The following MYO1B variants were observed in gnomAD, a reference collection of about 807,000 sequenced individuals.
MYO1B encodes the protein myosin IB.
In MYO1B, 72 loss-of-function variants were observed where a neutral mutation model predicts 159.7. The ratio of observed to expected loss-of-function variants is 0.45; its 90% confidence interval spans 0.37 to 0.55. MYO1B has a LOEUF of 0.55. Among genes scored for constraint, MYO1B ranks in the 20% least tolerant of loss-of-function variants. MYO1B has a pLI of 0.00. For synonymous variants in MYO1B, 468 were observed against 473.8 expected, an observed-to-expected ratio of 0.99 and a Z score of 0.16; for missense variants, 1,062 against 1,364.8, an observed-to-expected ratio of 0.78 and a Z score of 3.50.
intron 4 of MYO1B, among the ~76,000 whole-genome samples, chr2:191,330,499 T>C (rs1174945713): frequency 2.0e-5 from 3 of 152,186 alleles, no homozygotes. Flanking sequence ...TTATATGTAT[T>C]TTTTAGACCT....
intron 1 of MYO1B, among the ~76,000 whole-genome samples, chr2:191,271,199 T>C (rs1249170167): frequency 6.6e-6 from 1 of 152,222 alleles, no homozygotes; most frequent in Non-Finnish European, 1.5e-5. Flanking sequence ...TAAAACACAC[T>C]TGTTACTATG....
At chr2:191,345,213 C>T (rs1244956030) in intron 5 of MYO1B, among the ~76,000 whole-genome samples, 5 of 152,138 alleles carry the variant, frequency 3.3e-5, no homozygotes. Context: ...GATCTCATGC[C>T]TCTTCCCAGA....
chr2:191,418,221 A>G (rs960122086), intron 30 of MYO1B, among the ~76,000 whole-genome samples: 38 of 152,240 alleles, frequency 2.5e-4, no homozygotes, highest in African/African-American at 9.1e-4. Flanking sequence ...CTCCTTAGGG[A>G]GCATTTTGAA....
At chr2:191,335,014 C>G (rs1046571724) in intron 4 of MYO1B, among the ~76,000 whole-genome samples, 1 of 152,076 alleles carries the variant, frequency 6.6e-6, no homozygotes, top group African/African-American at 2.4e-5. Context: ...GACCATACTT[C>G]GAGTAACACT....
intron 3 of MYO1B, among the ~76,000 whole-genome samples, chr2:191,322,878 T>TCACAAAC (rs1559167950): frequency 6.6e-6 from 1 of 152,110 alleles, no homozygotes; most frequent in Non-Finnish European, 1.5e-5. Context: ...AACAAGTTTA[T>TCACAAAC]TAGAGAATCA....
At chr2:191,391,215 C>T (rs1695729532) in intron 18 of MYO1B, among the ~76,000 whole-genome samples, 1 of 152,212 alleles carries the variant, frequency 6.6e-6, no homozygotes. Flanking sequence ...AGAAGGCTTG[C>T]CCCTGAATAC....
chr2:191,365,737 T>C (rs140877155), intron 11 of MYO1B, among the ~76,000 whole-genome samples: 127 of 152,234 alleles, frequency 8.3e-4, no homozygotes, highest in African/African-American at 2.8e-3. Context: ...TGAAAGGGCA[T>C]ATCAAAAAGA....
At chr2:191,400,500 T>A (rs755712089) in intron 22 of MYO1B, 32 bp downstream of exon 22, 3 of 1,610,198 alleles carry the variant, frequency 1.9e-6, no homozygotes, top group Admixed American at 3.3e-5. Flanking sequence ...AGGCGGTGGG[T>A]CAGCAGTAAC....
intron 1 of MYO1B, among the ~76,000 whole-genome samples, chr2:191,264,911 C>T (rs768169282): frequency 1.2e-4 from 18 of 152,012 alleles, no homozygotes; most frequent in Non-Finnish European, 2.2e-4. Flanking sequence ...ATGTGTTATA[C>T]GCTTTGTGAG....
chr2:191,272,438 T>C (rs1422537755), intron 1 of MYO1B, among the ~76,000 whole-genome samples: 1 of 152,240 alleles, frequency 6.6e-6, no homozygotes, highest in Non-Finnish European at 1.5e-5. Flanking sequence ...AGAATCCACC[T>C]GGGGCTAGTA....
chr2:191,411,646 A>G (rs1428935312), intron 27 of MYO1B, among the ~76,000 whole-genome samples: 1 of 152,182 alleles, frequency 6.6e-6, no homozygotes, highest in Non-Finnish European at 1.5e-5. Flanking sequence ...TTGCTTGAGC[A>G]CTGGTCTGTG....
intron 21 of MYO1B, among the ~76,000 whole-genome samples, chr2:191,396,749 G>A (rs146357027): frequency 1.6e-4 from 24 of 152,232 alleles, no homozygotes; most frequent in African/African-American, 3.9e-4. Flanking sequence ...AATAATACCC[G>A]TACATGATTT....
intron 29 of MYO1B, among the ~76,000 whole-genome samples, chr2:191,414,979 T>C (rs542537686): frequency 6.6e-6 from 1 of 152,332 alleles, no homozygotes; most frequent in African/African-American, 2.4e-5. Flanking sequence ...ATCTCTAATC[T>C]GGGGGTTTAC....
At chr2:191,342,362 CTT>C (rs908089322) in intron 5 of MYO1B, among the ~76,000 whole-genome samples, 6 of 152,188 alleles carry the variant, frequency 3.9e-5, no homozygotes, top group Non-Finnish European at 8.8e-5. Context: ...CTAATACTAG[CTT>C]TTTGAGGGTT....
chr2:191,388,311 T>C (rs1568218), intron 17 of MYO1B: 123,814 of 151,534 alleles, frequency 0.82, 54,387 homozygotes, highest in Non-Finnish European at 0.98. Context: ...CCTTCTGGGC[T>C]CTTCTCTTTT....
intron 1 of MYO1B, among the ~76,000 whole-genome samples, chr2:191,260,254 C>CTTTTTTTTGTTTTTTTTTTTTTTTTTTT (rs1686720703): frequency 1.6e-5 from 1 of 60,962 alleles, no homozygotes; most frequent in Non-Finnish European, 4.0e-5. Flanking sequence ...CCCAGATAGG[C>CTTTTTTTTGTTTTTTTTTTTTTTTTTTT]TTTTTTTTTT....
At chr2:191,277,613 T>C (rs1236224277) in intron 2 of MYO1B, among the ~76,000 whole-genome samples, 2 of 152,230 alleles carry the variant, frequency 1.3e-5, no homozygotes, top group Non-Finnish European at 2.9e-5. Flanking sequence ...AAAAAGTCTT[T>C]ATAAAGGATT....
chr2:191,292,211 C>CTG, intron 2 of MYO1B, among the ~76,000 whole-genome samples: 1 of 152,118 alleles, frequency 6.6e-6, no homozygotes, highest in Admixed American at 6.5e-5. Flanking sequence ...CTGCTTGGCA[C>CTG]CATTTTTAGT....
intron 2 of MYO1B, among the ~76,000 whole-genome samples, chr2:191,290,372 G>A (rs1198928835): frequency 6.6e-6 from 1 of 152,138 alleles, no homozygotes; most frequent in Non-Finnish European, 1.5e-5. Flanking sequence ...CATTGCTTCC[G>A]CTGGTGTCTC....
Sources: gnomAD v4.1 joint callset for allele counts (sites outside exome capture counted in the v4.1 genomes callset) on GRCh38, gnomAD v4.1.1 for gene constraint, MANE v1.5 for transcripts, NCBI Gene and HGNC (gene_info 2026-07-23, HGNC 2026-07-21) for gene names.